Variants in GSG1L observed in about 807,000 individuals in gnomAD.
GSG1L encodes the protein germ cell-specific gene 1-like protein.
Under a neutral mutation model 42.1 loss-of-function variants are expected in GSG1L, and 24 were observed. The observed-to-expected ratio is 0.57, with a 90% CI of 0.41 to 0.80. The LOEUF (loss-of-function observed/expected upper bound fraction) is 0.80, where lower values mean the gene tolerates loss of function less well. Among genes scored for constraint, GSG1L ranks in the 30% least tolerant of loss-of-function variants. GSG1L has a pLI of 0.00. For missense variants in GSG1L, 445 were observed against 472.2 expected, an observed-to-expected ratio of 0.94 and a Z score of 0.53; for synonymous variants, 215 against 203.5, an observed-to-expected ratio of 1.06 and a Z score of -0.48.
At chr16:28,029,036 A>G (rs2085928749) in intron 1 of GSG1L, among the ~76,000 whole-genome samples, 1 of 152,202 alleles carries the variant, frequency 6.6e-6, no homozygotes, top group Admixed American at 6.5e-5. Flanking sequence ...ACCTACGGAA[A>G]GCACCTTGCC....
intron 3 of GSG1L, among the ~76,000 whole-genome samples, chr16:27,866,983 C>CG (rs2083735354): frequency 6.6e-6 from 1 of 152,170 alleles, no homozygotes. Flanking sequence ...CACCCTGGCC[C>CG]GGGGGCAGAG....
intron 3 of GSG1L, among the ~76,000 whole-genome samples, chr16:27,876,971 C>T (rs973818480): frequency 6.6e-6 from 1 of 152,206 alleles, no homozygotes. Context: ...TGCTGTTTTT[C>T]CTGAAAGCCC....
intron 3 of GSG1L, among the ~76,000 whole-genome samples, chr16:27,850,133 A>G (rs1367846015): frequency 7.4e-6 from 1 of 134,898 alleles, no homozygotes; most frequent in East Asian, 2.4e-4. Context: ...GGTTCAAGTG[A>G]TTCTCCTGCC....
chr16:27,831,159 T>G (rs192504147), intron 4 of GSG1L, among the ~76,000 whole-genome samples: 506 of 152,320 alleles, frequency 3.3e-3, no homozygotes, highest in Non-Finnish European at 5.6e-3. Context: ...TCTTCTGTGG[T>G]GCTAAGCTGG....
intron 1 of GSG1L, among the ~76,000 whole-genome samples, chr16:28,048,845 G>T (rs1423375459): frequency 3.3e-5 from 5 of 152,022 alleles, no homozygotes; most frequent in African/African-American, 1.2e-4. Flanking sequence ...AGAAAAGTCA[G>T]ACTAAAGAAA....
At position 27,791,427 on chromosome 16, in the gene GSG1L, G is replaced by A. The variant is rs780978416; in HGVS notation, c.939C>T (p.Ser313=). 9.9e-6 allele frequency: 15 copies of A among 1,522,088 alleles called. No individual in the cohort carries two copies. Among genetic ancestry groups the A allele is most frequent in the East Asian group, 5.0e-5 (2 of 39,704 alleles). The allele number at this position is 1,522,088 out of a possible 1,614,324, so 94.3% of individuals were successfully genotyped here. ...PHMADSWPRS[S]AQEAPELNRQ... ...GGTTCAGCTCTGGTGCTTCCTGTGCGGAGCTCCGGGGCCAGGAATCCGCCA... is the reference window on the plus strand; with the variant it reads ...GGTTCAGCTCTGGTGCTTCCTGTGCAGAGCTCCGGGGCCAGGAATCCGCCA... The change falls in exon 7 of 7, where the codon TCC becomes TCT. Residue 313 remains serine (S), a synonymous_variant. Transcript: ENST00000447459.
intron 1 of GSG1L, among the ~76,000 whole-genome samples, chr16:28,052,199 A>C (rs551436214): frequency 1.3e-5 from 2 of 151,630 alleles, no homozygotes; most frequent in African/African-American, 4.8e-5. Context: ...GGGCTAAGAG[A>C]GGGGCAGGAG....
At chr16:27,804,040 TA>T (rs1567460712) in intron 6 of GSG1L, among the ~76,000 whole-genome samples, 3 of 85,692 alleles carry the variant, frequency 3.5e-5, no homozygotes, top group Non-Finnish European at 8.3e-5. Context: ...ATTAGATGGA[TA>T]GATAGATAGA....
rs529688615 is a variant in GSG1L at position 28,038,254 on chromosome 16, G to A, written c.349+24822C>T. Among the ~76,000 whole-genome samples, 10 of 152,124 alleles carry A rather than the reference G, an allele frequency of 6.6e-5. No individual in the cohort carries two copies. The East Asian group carries it at 1.2e-3, about 18-fold the overall frequency. Reference sequence around the variant, plus strand: ...GCCTCCCAAGTAGCTGGAACCACATGCATACACTACTACATCCAGCCTAGA... The same window carrying A: ...GCCTCCCAAGTAGCTGGAACCACATACATACACTACTACATCCAGCCTAGA... On this transcript the variant is annotated intron_variant, in intron 1 of 6. Transcript: ENST00000447459.
Position 27,870,953 on chromosome 16 carries a change from T to C in GSG1L, c.550+13533A>G, listed in dbSNP as rs112622098. On this transcript the variant is annotated intron_variant, in intron 3 of 6. Coordinates refer to ENST00000447459, the MANE Select transcript of GSG1L (RefSeq NM_001109763.2). ...TGCCCTTCCTGTACCCCAACAACAG[T>C]CTTTGTGAGACTCACCCTGACCTTG... Among the ~76,000 whole-genome samples the C allele has an allele frequency of 1.3e-4, 20 of 151,296 alleles. 1 individual carries two copies. The Middle Eastern group carries it at 0.014, about 103-fold the overall frequency.
chr16:27,894,845 G>T (rs960679293), intron 2 of GSG1L, among the ~76,000 whole-genome samples: 14 of 152,146 alleles, frequency 9.2e-5, no homozygotes, highest in African/African-American at 2.4e-4. Context: ...CGGGTGGGAG[G>T]CACTGTTCCA....
chr16:27,998,808 A>T (rs192262685), intron 1 of GSG1L, among the ~76,000 whole-genome samples: 107 of 145,356 alleles, frequency 7.4e-4, no homozygotes, highest in African/African-American at 1.9e-3. Flanking sequence ...ATAAATAATT[A>T]AAAAAAAAAA....
intron 1 of GSG1L, among the ~76,000 whole-genome samples, chr16:28,045,136 T>C (rs1184103692): frequency 6.6e-6 from 1 of 152,128 alleles, no homozygotes; most frequent in Non-Finnish European, 1.5e-5. Flanking sequence ...ACTACAATGG[T>C]GGGTCCATGT....
At chr16:27,943,917 G>A (rs1191558524) in intron 2 of GSG1L, among the ~76,000 whole-genome samples, 1 of 152,110 alleles carries the variant, frequency 6.6e-6, no homozygotes, top group Non-Finnish European at 1.5e-5. Context: ...AATATTTTAT[G>A]TTGTGCAAGA....
At chr16:28,053,970 C>A (rs1334212209) in intron 1 of GSG1L, among the ~76,000 whole-genome samples, 1 of 152,134 alleles carries the variant, frequency 6.6e-6, no homozygotes, top group African/African-American at 2.4e-5. Flanking sequence ...GTCTGCCTTT[C>A]TCTCTGTTGG....
intron 1 of GSG1L, among the ~76,000 whole-genome samples, chr16:28,038,216 T>C (rs1475710480): frequency 1.3e-5 from 2 of 152,140 alleles, no homozygotes; most frequent in African/African-American, 4.8e-5. Context: ...GCTCAAGTGA[T>C]CCTCCCACCT....
intron 6 of GSG1L, among the ~76,000 whole-genome samples, chr16:27,807,182 C>T (rs1184698878): frequency 1.3e-5 from 2 of 152,188 alleles, no homozygotes; most frequent in African/African-American, 4.8e-5. Context: ...GACTGTCCTC[C>T]CTCAGACCAG....
rs1473796264 is a variant in GSG1L, at chr16:27,790,225, G to A, written c.*1145C>T. The A allele has an allele frequency of 6.6e-6, 1 of 151,990 alleles. No individual in the cohort carries two copies. The highest frequency in any genetic ancestry group is 1.5e-5 in the Non-Finnish European group (1 of 67,988). 9.4% of individuals were successfully genotyped at this position (151,990 alleles called of 1,614,324 possible). A position where few individuals can be genotyped will look rare whatever the true frequency, so the allele number is the denominator to read the frequency against. On this transcript the variant is annotated 3_prime_UTR_variant, in exon 7 of 7. Transcript: ENST00000447459. ...TAGATGGACGAATGATGAATGGATG[G>A]ATGGATAATGGATAATGGCTGGATG... is the stretch of plus-strand genomic sequence containing the variant.
chr16:27,911,266 G>GCTCGCTCTCTCTCTCTCTCTCTCT (rs568864667), intron 2 of GSG1L, among the ~76,000 whole-genome samples: 9 of 122,058 alleles, frequency 7.4e-5, no homozygotes, highest in African/African-American at 3.2e-4. Context: ...CCTCTCTCTC[G>GCTCGCTCTCTCTCTCTCTCTCTCT]CTCTCTCTCT....
Sources: gnomAD v4.1 joint callset for allele counts (sites outside exome capture counted in the v4.1 genomes callset) on GRCh38, gnomAD v4.1.1 for gene constraint, MANE v1.5 for transcripts, NCBI Gene and HGNC (gene_info 2026-07-23, HGNC 2026-07-21) for gene names.